VEGFC: variants seen among roughly 807,000 people sequenced by gnomAD.
VEGFC encodes vascular endothelial growth factor C.
In VEGFC, 12 loss-of-function variants were observed where a neutral mutation model predicts 46.1. That is an observed-to-expected ratio of 0.26 (90% CI 0.17 to 0.42). The LOEUF is 0.42. Among genes scored for constraint, VEGFC ranks in the 10% least tolerant of loss-of-function variants. The pLI is 1.00. For synonymous variants in VEGFC, 232 were observed against 195.5 expected (o/e 1.19, Z -1.56); for missense variants, 488 against 529.4 (o/e 0.92, Z 0.77).
intron 4 of VEGFC, among the ~76,000 whole-genome samples, chr4:176,706,767 A>G (rs920942131): frequency 6.6e-5 from 10 of 152,138 alleles, no homozygotes; most frequent in Non-Finnish European, 1.0e-4. Context: ...GCATACAATA[A>G]CATGCTCCTA....
chr4:176,757,175 T>G (rs537837042), intron 1 of VEGFC, among the ~76,000 whole-genome samples: 1 of 152,196 alleles, frequency 6.6e-6, no homozygotes, highest in Admixed American at 6.6e-5. Context: ...TTATTCCTTA[T>G]TCATACTTTT....
chr4:176,726,458 A>G (rs1268446506), intron 3 of VEGFC, among the ~76,000 whole-genome samples: 1 of 152,138 alleles, frequency 6.6e-6, no homozygotes, highest in East Asian at 1.9e-4. Flanking sequence ...CAAGCTGAAT[A>G]GAAAATTTAG....
chr4:176,769,809 C>T (rs1735691925), intron 1 of VEGFC, among the ~76,000 whole-genome samples: 1 of 152,138 alleles, frequency 6.6e-6, no homozygotes, highest in African/African-American at 2.4e-5. Context: ...CATACAGCTC[C>T]TGAGGCCCAT....
intron 4 of VEGFC, among the ~76,000 whole-genome samples, chr4:176,710,880 T>C (rs138137007): frequency 8.5e-5 from 13 of 152,084 alleles, no homozygotes; most frequent in East Asian, 3.9e-4. Context: ...TCCAAAAAAA[T>C]AGGATGGAAA....
chr4:176,791,974 T>C (rs978597003), intron 1 of VEGFC, among the ~76,000 whole-genome samples, 191 bp downstream of exon 1: 1 of 152,172 alleles, frequency 6.6e-6, no homozygotes, highest in Non-Finnish European at 1.5e-5. Context: ...CTTGCTTGCC[T>C]CTCTAGTAAC....
intron 4 of VEGFC, 30 bp downstream of exon 4, chr4:176,711,469 G>A (rs1335779535): frequency 1.0e-5 from 16 of 1,580,366 alleles, no homozygotes; most frequent in African/African-American, 4.1e-5. Flanking sequence ...AGTAGAGGAT[G>A]CAGAAAAAAT....
In VEGFC at chr4:176,687,899, T is replaced by G. The variant is rs1201439392; in HGVS notation, c.733A>C (p.Thr245Pro). The G allele has an allele frequency of 1.2e-6, 2 of 1,613,476 alleles. No individual in the cohort carries two copies. The highest frequency in any genetic ancestry group is 1.7e-5 in the Admixed American group (1 of 59,906). Residue 245 changes from threonine (T) to proline (P), a missense_variant, in exon 5 of 7, where the codon ACC (threonine) becomes CCC (proline). Coordinates refer to ENST00000618562, the MANE Select transcript of VEGFC (RefSeq NM_005429.5). ...QCQAANKTCPTNYMWNNHICR... is the reference protein window; with the variant it reads ...QCQAANKTCPPNYMWNNHICR... The stretch of plus-strand genomic sequence containing the variant: ...ATGTGATTATTCCACATGTAATTGG[T>G]GGGGCAGGTCTTGTTCGCTGCCTGA...
At chr4:176,766,599 AAAAAC>A (rs1265068825) in intron 1 of VEGFC, among the ~76,000 whole-genome samples, 4 of 151,964 alleles carry the variant, frequency 2.6e-5, no homozygotes, top group African/African-American at 9.7e-5. Context: ...AAAAAAAAAA[AAAAAC>A]AAGGAAAAGA....
At chr4:176,772,824 A>G (rs1735744356) in intron 1 of VEGFC, among the ~76,000 whole-genome samples, 1 of 152,142 alleles carries the variant, frequency 6.6e-6, no homozygotes, top group South Asian at 2.1e-4. Flanking sequence ...GAAGGCCCTC[A>G]CCAGACACAG....
At position 176,697,226 on chromosome 4, in the gene VEGFC, A is replaced by T. The variant is rs561388431; in HGVS notation, c.705-9299T>A. Among the ~76,000 whole-genome samples, 340 of 150,572 alleles carry T rather than the reference A, an allele frequency of 2.3e-3. 2 individuals carry two copies. Among genetic ancestry groups the T allele is most frequent in the African/African-American group, 7.9e-3 (325 of 40,946 alleles). ...TACAAAATGGGAGAAAATTTTCACA[A>T]CCTACTCATCTGACAAAGGGCTAAT... On this transcript the variant is annotated intron_variant, in intron 4 of 6. Transcript: ENST00000618562.
intron 1 of VEGFC, among the ~76,000 whole-genome samples, chr4:176,780,947 G>A (rs887284020): frequency 6.6e-6 from 1 of 152,104 alleles, no homozygotes; most frequent in African/African-American, 2.4e-5. Flanking sequence ...ACTACACTGT[G>A]CTCTCATGGA....
chr4:176,728,702 T>C (rs1734913104), intron 2 of VEGFC, among the ~76,000 whole-genome samples: 1 of 152,214 alleles, frequency 6.6e-6, no homozygotes, highest in South Asian at 2.1e-4. Flanking sequence ...TTATCCCATA[T>C]TTCCCCTAAA....
chr4:176,690,052 C>T (rs747464765), intron 4 of VEGFC, among the ~76,000 whole-genome samples: 19 of 152,124 alleles, frequency 1.2e-4, no homozygotes, highest in Non-Finnish European at 2.1e-4. Flanking sequence ...CAAGAGATTC[C>T]TGCACACATT....
intron 4 of VEGFC, among the ~76,000 whole-genome samples, chr4:176,699,495 C>T (rs1488205124): frequency 6.6e-6 from 1 of 152,210 alleles, no homozygotes; most frequent in African/African-American, 2.4e-5. Flanking sequence ...AACATAGATA[C>T]AGACCCTTCT....
intron 1 of VEGFC, among the ~76,000 whole-genome samples, chr4:176,739,832 A>C (rs1457227506): frequency 1.3e-5 from 2 of 151,308 alleles, no homozygotes; most frequent in African/African-American, 4.9e-5. Context: ...ACAGATTGAA[A>C]TCGAGAGAGG....
intron 4 of VEGFC, among the ~76,000 whole-genome samples, chr4:176,703,950 C>T (rs999946894): frequency 1.3e-5 from 2 of 152,084 alleles, no homozygotes; most frequent in Non-Finnish European, 2.9e-5. Flanking sequence ...GCTTTCTCTC[C>T]CCCTTTCTCA....
At chr4:176,746,234 T>C (rs911403926) in intron 1 of VEGFC, among the ~76,000 whole-genome samples, 1 of 152,060 alleles carries the variant, frequency 6.6e-6, no homozygotes, top group Non-Finnish European at 1.5e-5. Flanking sequence ...TCTCTGCTTA[T>C]ATATATGATT....
intron 1 of VEGFC, among the ~76,000 whole-genome samples, chr4:176,762,485 A>G (rs950943022): frequency 1.3e-5 from 2 of 152,120 alleles, no homozygotes; most frequent in African/African-American, 4.8e-5. Context: ...CAGCAACTTG[A>G]TCTTGAACGT....
chr4:176,709,374 C>T (rs2110996888), intron 4 of VEGFC, among the ~76,000 whole-genome samples: 1 of 152,302 alleles, frequency 6.6e-6, no homozygotes, highest in East Asian at 1.9e-4. Context: ...ACAATATAAA[C>T]TTACTGGAAA....
Sources: gnomAD v4.1 joint callset for allele counts (sites outside exome capture counted in the v4.1 genomes callset) on GRCh38, gnomAD v4.1.1 for gene constraint, MANE v1.5 for transcripts, NCBI Gene and HGNC (gene_info 2026-07-23, HGNC 2026-07-21) for gene names.